Variants in ADAMTSL1 observed in about 807,000 individuals in gnomAD.
ADAMTSL1 encodes ADAMTS-like protein 1.
A neutral mutation model predicts 201.8 loss-of-function variants in ADAMTSL1; 126 were observed. The observed-to-expected ratio is 0.62, with a 90% confidence interval of 0.54 to 0.72. The LOEUF (loss-of-function observed/expected upper bound fraction) is 0.72. Among genes scored for constraint, ADAMTSL1 ranks in the 30% least tolerant of loss-of-function variants. The pLI, the probability that ADAMTSL1 is intolerant of heterozygous loss-of-function variation, is 0.00. For missense variants in ADAMTSL1, 2,679 were observed against 2,277.8 expected, an observed-to-expected ratio of 1.18 and a Z score of -3.59; for synonymous variants, 1,121 against 903.4, an observed-to-expected ratio of 1.24 and a Z score of -4.32.
intron 2 of ADAMTSL1, among the ~76,000 whole-genome samples, chr9:18,254,923 T>C (rs1057477173): frequency 6.6e-5 from 10 of 152,172 alleles, no homozygotes; most frequent in Non-Finnish European, 2.9e-5. Flanking sequence ...TTCCCTTGTC[T>C]TAGCAATAGA....
At chr9:18,397,815 T>C (rs1005289163) in intron 2 of ADAMTSL1, among the ~76,000 whole-genome samples, 4 of 152,214 alleles carry the variant, frequency 2.6e-5, no homozygotes, top group African/African-American at 9.6e-5. Context: ...TGGGTAAGCA[T>C]CTATACCTCA....
intron 2 of ADAMTSL1, among the ~76,000 whole-genome samples, chr9:18,530,689 A>T (rs943894596): frequency 4.6e-5 from 7 of 152,306 alleles, no homozygotes; most frequent in South Asian, 2.1e-4. Context: ...TAATTAATTT[A>T]TCTAACATCT....
At chr9:18,761,335 G>T (rs1820061012) in intron 16 of ADAMTSL1, among the ~76,000 whole-genome samples, 1 of 152,106 alleles carries the variant, frequency 6.6e-6, no homozygotes, top group Non-Finnish European at 1.5e-5. Context: ...TAAAAGTACA[G>T]GACACTTGGG....
At chr9:18,128,229 G>GA (rs755533109) in intron 1 of ADAMTSL1, among the ~76,000 whole-genome samples, 3 of 152,144 alleles carry the variant, frequency 2.0e-5, no homozygotes, top group Non-Finnish European at 2.9e-5. Context: ...TAGATAATCA[G>GA]AAAATTGCAT....
chr9:18,570,654 C>G (rs1257941024), intron 3 of ADAMTSL1, among the ~76,000 whole-genome samples: 1 of 152,102 alleles, frequency 6.6e-6, no homozygotes, highest in East Asian at 1.9e-4. Context: ...TTCTTAAGTC[C>G]TTTTTCTTAA....
At chr9:18,760,358 C>T (rs1820005316) in intron 16 of ADAMTSL1, among the ~76,000 whole-genome samples, 1 of 152,168 alleles carries the variant, frequency 6.6e-6, no homozygotes, top group Admixed American at 6.5e-5. Flanking sequence ...TTGCCTAACT[C>T]TCATCCAGTG....
Position 18,098,048 on chromosome 9 carries a change from G to A in ADAMTSL1, c.88-65814G>A, listed in dbSNP as rs957381169. On this transcript the variant is annotated intron_variant, in intron 1 of 29. Transcript: ENST00000680146. ...TCAAGGCTTATTTTTTTTCCAGATT[G>A]ATATGCAGTTTTTACAGAAACATTT... is the stretch of plus-strand genomic sequence containing the variant. Among the ~76,000 whole-genome samples, 3 of 151,518 alleles carry A rather than the reference G, an allele frequency of 2.0e-5. No homozygotes were observed. The South Asian group carries it at 6.2e-4, about 31-fold the overall frequency.
In ADAMTSL1 at chr9:18,184,896, C is replaced by T. The variant is rs752360718; in HGVS notation, c.207+20915C>T. Among the ~76,000 whole-genome samples the T allele has an allele frequency of 9.2e-5, 14 of 152,272 alleles. 1 individual carries two copies. In the South Asian group the frequency reaches 1.5e-3, roughly 16 times the overall value. ...CATAAAAATCACTGTAACTAACTCA[C>T]GAAAGGCCCTTTGGTCTCCTGTTTT... On this transcript the variant is annotated intron_variant, in intron 2 of 29. Coordinates refer to the ADAMTSL1 transcript ENST00000680146.
At chr9:18,626,795 C>T (rs1826381402) in intron 5 of ADAMTSL1, among the ~76,000 whole-genome samples, 1 of 148,074 alleles carries the variant, frequency 6.8e-6, no homozygotes, top group South Asian at 2.2e-4. Flanking sequence ...ATATACTGCA[C>T]CTGTATTTAT....
At chr9:18,554,928 A>G (rs78118212) in intron 3 of ADAMTSL1, among the ~76,000 whole-genome samples, 65 of 136,632 alleles carry the variant, frequency 4.8e-4, no homozygotes, top group African/African-American at 1.6e-3. Context: ...TGTACATTCT[A>G]TGGGTTTTCA....
chr9:18,550,212 T>C (rs904063247), intron 3 of ADAMTSL1, among the ~76,000 whole-genome samples: 1 of 151,966 alleles, frequency 6.6e-6, no homozygotes, highest in Non-Finnish European at 1.5e-5. Flanking sequence ...CCCTGAAACT[T>C]GTGAATATAT....
intron 21 of ADAMTSL1, among the ~76,000 whole-genome samples, chr9:18,822,265 C>G (rs553421044): frequency 6.6e-6 from 1 of 152,100 alleles, no homozygotes. Context: ...TAGAAAAGAT[C>G]ATCTCCCGCA....
chr9:18,871,446 A>G (rs1827865679), intron 23 of ADAMTSL1, among the ~76,000 whole-genome samples: 1 of 151,942 alleles, frequency 6.6e-6, no homozygotes, highest in African/African-American at 2.4e-5. Context: ...GAGTTCTTCC[A>G]GTGTTTCGTC....
chr9:18,211,600 A>T (rs1443954291), intron 2 of ADAMTSL1, among the ~76,000 whole-genome samples: 1 of 152,178 alleles, frequency 6.6e-6, no homozygotes, highest in East Asian at 1.9e-4. Flanking sequence ...AGCCAAATTG[A>T]CATCTGTGGG....
chr9:18,116,866 G>A (rs1825273591), intron 1 of ADAMTSL1, among the ~76,000 whole-genome samples: 2 of 152,118 alleles, frequency 1.3e-5, no homozygotes, highest in African/African-American at 2.4e-5. Flanking sequence ...GTATCCACCT[G>A]TCTTCTTGAC....
chr9:18,062,980 A>C (rs1563977520), intron 1 of ADAMTSL1, among the ~76,000 whole-genome samples: 1 of 152,186 alleles, frequency 6.6e-6, no homozygotes, highest in Admixed American at 6.5e-5. Flanking sequence ...AATTAACTTT[A>C]TTAAATAAAC....
chr9:18,080,536 T>C lies in ADAMTSL1; in HGVS notation c.88-83326T>C, dbSNP rs373804868. Among the ~76,000 whole-genome samples the C allele has an allele frequency of 7.2e-5, 11 of 152,218 alleles. No individual in the cohort carries two copies. In the South Asian group the frequency reaches 8.3e-4, roughly 11 times the overall value. ...CAGGAAACCAGATTATTACGTATTATGTTGTCTCTACAAAAAACTGGCTCT... is the reference window on the plus strand; with the variant it reads ...CAGGAAACCAGATTATTACGTATTACGTTGTCTCTACAAAAAACTGGCTCT... On this transcript the variant is annotated intron_variant, in intron 1 of 29. Coordinates refer to the ADAMTSL1 transcript ENST00000680146.
In ADAMTSL1 at chr9:18,704,673, T is replaced by C. The variant is rs796142597; in HGVS notation, c.1575-2074T>C. Among the ~76,000 whole-genome samples, 274 of 152,298 alleles carry C rather than the reference T, an allele frequency of 1.8e-3. 4 individuals are homozygous for C. The highest frequency in any genetic ancestry group is 6.2e-3 in the African/African-American group (259 of 41,568). Reference sequence around the variant, plus strand: ...TGGATGTGTAATAAAAGGGTTAAAATGATTTTGATAGCAGTTTTTGGTTTT... The same window carrying C: ...TGGATGTGTAATAAAAGGGTTAAAACGATTTTGATAGCAGTTTTTGGTTTT... On this transcript the variant is annotated intron_variant, in intron 13 of 28. Transcript: ENST00000380548.
chr9:18,304,020 T>A (rs1461927834), intron 2 of ADAMTSL1, among the ~76,000 whole-genome samples: 1 of 152,194 alleles, frequency 6.6e-6, no homozygotes, highest in African/African-American at 2.4e-5. Flanking sequence ...ACCAATAAAA[T>A]GCATTTAACC....
Sources: gnomAD v4.1 joint callset for allele counts (sites outside exome capture counted in the v4.1 genomes callset) on GRCh38, gnomAD v4.1.1 for gene constraint, MANE v1.5 for transcripts, NCBI Gene and HGNC (gene_info 2026-07-23, HGNC 2026-07-21) for gene names.